Variants in CFAP54 observed in about 807,000 individuals in gnomAD.
The protein encoded by CFAP54 is cilia- and flagella-associated protein 54.
In CFAP54, 290 loss-of-function variants were observed where a neutral mutation model predicts 370.4. The observed-to-expected ratio is 0.78, with a 90% CI of 0.71 to 0.86. The LOEUF is 0.86. Among genes scored for constraint, CFAP54 ranks in the 40% least tolerant of loss-of-function variants. The pLI is 0.00. For missense variants in CFAP54, 3,399 were observed against 3,528.7 expected (o/e 0.96, Z 0.93); for synonymous variants, 1,206 against 1,236.5 (o/e 0.98, Z 0.52).
intron 66 of CFAP54, among the ~76,000 whole-genome samples, chr12:96,829,577 A>G (rs1959164373): frequency 6.6e-6 from 1 of 152,014 alleles, no homozygotes. Context: ...ACATAGCTAG[A>G]TCTTTATTGA....
chr12:96,728,974 G>A (rs1006672275), intron 50 of CFAP54, among the ~76,000 whole-genome samples: 10 of 152,170 alleles, frequency 6.6e-5, no homozygotes, highest in African/African-American at 1.4e-4. Context: ...TATCAGCAGC[G>A]GTGTCTGTAG....
At chr12:96,794,884 T>C (rs749963021) in intron 63 of CFAP54, among the ~76,000 whole-genome samples, 1 of 152,204 alleles carries the variant, frequency 6.6e-6, no homozygotes, top group Non-Finnish European at 1.5e-5. Flanking sequence ...AGAGGGAAGA[T>C]CTGGGACTCA....
At chr12:96,729,683 C>T (rs536285838) in intron 50 of CFAP54, among the ~76,000 whole-genome samples, 8 of 152,348 alleles carry the variant, frequency 5.3e-5, no homozygotes, top group South Asian at 4.1e-4. Context: ...GCGCACGGCG[C>T]GCTGCACCCA....
chr12:96,664,715 CTATATATATCTATATATATATATCTATA>C lies in CFAP54; in HGVS notation c.5563+793_5563+820del, dbSNP rs1565934249. Among the ~76,000 whole-genome samples, 14 of 66,750 alleles carry C rather than the reference CTATATATATCTATATATATATATCTATA, an allele frequency of 2.1e-4. 1 individual carries two copies. The highest frequency in any genetic ancestry group is 6.3e-4 in the South Asian group (1 of 1,600). 43.8% of individuals were successfully genotyped at this position (66,750 alleles called of 152,430 possible). A position where few individuals can be genotyped will look rare whatever the true frequency, so the allele number is the denominator to read the frequency against. On this transcript the variant is annotated intron_variant, in intron 39 of 67. Coordinates refer to ENST00000524981, the MANE Select transcript of CFAP54 (RefSeq NM_001306084.2). Reference sequence around the variant, plus strand: ...TATATATCTATATATATATATATATCTATATATATCTATATATATATATCTATATATATATATATCTATATATATCTAT... The same window carrying C: ...TATATATCTATATATATATATATATCTATATATATATCTATATATATCTAT...
intron 32 of CFAP54, among the ~76,000 whole-genome samples, chr12:96,631,638 A>C (rs1956608865): frequency 6.7e-6 from 1 of 150,288 alleles, no homozygotes; most frequent in Admixed American, 6.7e-5. Context: ...TATTGTATAC[A>C]TATTTCTGTG....
chr12:96,756,664 C>T (rs1482887819), intron 57 of CFAP54, 101 bp downstream of exon 57: 2 of 753,944 alleles, frequency 2.7e-6, no homozygotes, highest in East Asian at 2.7e-5. Context: ...GGGATGCCTT[C>T]TGAAAGCAGG....
At chr12:96,688,524 T>C (rs954696911) in intron 42 of CFAP54, among the ~76,000 whole-genome samples, 1 of 152,222 alleles carries the variant, frequency 6.6e-6, no homozygotes. Context: ...TTTTATGTTA[T>C]GGCACATCTG....
intron 8 of CFAP54, among the ~76,000 whole-genome samples, chr12:96,525,130 T>A (rs550097287): frequency 1.5e-3 from 224 of 151,580 alleles, no homozygotes; most frequent in Non-Finnish European, 2.5e-3. Context: ...TATCACAAGC[T>A]GTTATTATTT....
intron 33 of CFAP54, 76 bp downstream of exon 33, chr12:96,644,484 A>C (rs140401219): frequency 1.3e-5 from 14 of 1,052,752 alleles, no homozygotes; most frequent in Non-Finnish European, 1.9e-5. Context: ...CAGAGCTCCA[A>C]TGGTGCTAAC....
At chr12:96,846,311 C>T (rs1566000950) in intron 66 of CFAP54, among the ~76,000 whole-genome samples, 1 of 152,108 alleles carries the variant, frequency 6.6e-6, no homozygotes, top group Non-Finnish European at 1.5e-5. Flanking sequence ...GAACCACTGG[C>T]CCTGAACTTG....
intron 48 of CFAP54, among the ~76,000 whole-genome samples, chr12:96,710,930 A>G (rs966186394): frequency 1.3e-5 from 2 of 152,184 alleles, no homozygotes; most frequent in African/African-American, 4.8e-5. Flanking sequence ...TCATAGAATG[A>G]GTTGGGAAGT....
At chr12:96,542,305 G>C (rs1453116739) in intron 14 of CFAP54, among the ~76,000 whole-genome samples, 3 of 152,162 alleles carry the variant, frequency 2.0e-5, no homozygotes, top group African/African-American at 7.2e-5. Flanking sequence ...TCCTACTTCA[G>C]CTAGCCTGGA....
chr12:96,519,911 G>A (rs1317415479), intron 6 of CFAP54, among the ~76,000 whole-genome samples: 1 of 152,172 alleles, frequency 6.6e-6, no homozygotes, highest in East Asian at 1.9e-4. Flanking sequence ...CTTTGCTCTT[G>A]AATACAAGCC....
chr12:96,621,456 T>G (rs1282861866), intron 26 of CFAP54, 134 bp from the exon 27 acceptor site: 2 of 567,908 alleles, frequency 3.5e-6, no homozygotes, highest in African/African-American at 3.9e-5. Context: ...AAACTTACGG[T>G]TTTTTTTAAA....
chr12:96,530,934 T>G (rs184666879), intron 9 of CFAP54, among the ~76,000 whole-genome samples: 313 of 152,354 alleles, frequency 2.1e-3, no homozygotes, highest in Non-Finnish European at 1.7e-3. Flanking sequence ...GCTAAAGATG[T>G]TAAACAGTTT....
Position 96,533,934 on chromosome 12 carries a change from A to G in CFAP54, c.1500A>G (p.Leu500=). 6.5e-7 allele frequency: 1 copy of G among 1,531,766 alleles called. No homozygotes were observed. Among genetic ancestry groups the G allele is most frequent in the Non-Finnish European group, 8.7e-7 (1 of 1,145,614 alleles). 94.9% of individuals were successfully genotyped at this position (1,531,766 alleles called of 1,614,324 possible). A position where few individuals can be genotyped will look rare whatever the true frequency, so the allele number is the denominator to read the frequency against. Residue 500 remains leucine (L), a synonymous_variant, in exon 10 of 68, where the codon TTA becomes TTG. Transcript: ENST00000524981. ...CTTTTACCTATGAGGAGTGGAGTTT[A>G]TTTGAATCTTCTGCTGTACATCTTA... ...KLAFTYEEWS[L]FESSAVHLIY... is the part of the protein sequence containing the mutation.
At chr12:96,642,805 T>C (rs966031974) in intron 32 of CFAP54, among the ~76,000 whole-genome samples, 10 of 152,238 alleles carry the variant, frequency 6.6e-5, no homozygotes, top group African/African-American at 2.4e-4. Context: ...TTGGGTGTCC[T>C]GAGACTTGTT....
chr12:96,783,840 T>G (rs1958603464), intron 60 of CFAP54, among the ~76,000 whole-genome samples: 1 of 152,072 alleles, frequency 6.6e-6, no homozygotes, highest in Non-Finnish European at 1.5e-5. Context: ...GAGCCAAGAT[T>G]GTGCCATTGC....
rs117092822 is a variant in CFAP54, at chr12:96,814,646, A to T, written c.8957+2804A>T. Among the ~76,000 whole-genome samples the T allele has an allele frequency of 9.6e-3, 1,462 of 152,228 alleles. 57 individuals carry two copies. The East Asian group carries it at 0.1, about 11-fold the overall frequency. On this transcript the variant is annotated intron_variant, in intron 64 of 67. Coordinates refer to ENST00000524981, the MANE Select transcript of CFAP54 (RefSeq NM_001306084.2). ...GCAGTTTGCCGCACCTATCAACCTGACACCTAGGTTTTAAGCCCCACATGT... is the reference window on the plus strand; with the variant it reads ...GCAGTTTGCCGCACCTATCAACCTGTCACCTAGGTTTTAAGCCCCACATGT...
Sources: allele counts gnomAD v4.1 joint callset (sites outside exome capture counted in the v4.1 genomes callset), GRCh38; gene constraint gnomAD v4.1.1; transcripts MANE v1.5; gene names NCBI Gene and HGNC (gene_info 2026-07-23, HGNC 2026-07-21).